DPY19L1: variants seen among roughly 807,000 people sequenced by gnomAD.
The protein encoded by DPY19L1 is protein C-mannosyl-transferase DPY19L1.
Under a neutral mutation model 96.9 loss-of-function variants are expected in DPY19L1, and 35 were observed. The ratio of observed to expected loss-of-function variants is 0.36; its 90% CI spans 0.28 to 0.48. DPY19L1 has a LOEUF of 0.48. Among genes scored for constraint, DPY19L1 ranks in the 20% least tolerant of loss-of-function variants. The pLI, the probability that DPY19L1 is intolerant of heterozygous loss-of-function variation, is 0.99. For missense variants in DPY19L1, 521 were observed against 777.9 expected, an observed-to-expected ratio of 0.67 and a Z score of 3.93; for synonymous variants, 205 against 252.6, an observed-to-expected ratio of 0.81 and a Z score of 1.79.
intron 16 of DPY19L1, 119 bp downstream of exon 16, chr7:34,945,548 T>C (rs1424514952): frequency 1.3e-6 from 1 of 741,258 alleles, no homozygotes; most frequent in African/African-American, 1.8e-5. Flanking sequence ...ATGACCACAA[T>C]AAAAACATCA....
At chr7:34,947,947 T>G (rs1306409343) in intron 14 of DPY19L1, among the ~76,000 whole-genome samples, 2 of 152,132 alleles carry the variant, frequency 1.3e-5, no homozygotes, top group African/African-American at 2.4e-5. Flanking sequence ...CTGAAGAGAT[T>G]ACTGCTCACT....
intron 13 of DPY19L1, among the ~76,000 whole-genome samples, chr7:34,951,463 A>C (rs1184914111): frequency 6.6e-6 from 1 of 152,184 alleles, no homozygotes; most frequent in East Asian, 1.9e-4. Context: ...ATTGCTTTAA[A>C]AATTCTTGAT....
chr7:34,997,270 T>G (rs1785307766), intron 6 of DPY19L1, among the ~76,000 whole-genome samples: 1 of 150,704 alleles, frequency 6.6e-6, no homozygotes, highest in African/African-American at 2.4e-5. Context: ...ATTAAAGATA[T>G]GTTAGCAGGC....
Position 35,037,262 on chromosome 7 carries a change from G to A in DPY19L1, c.133C>T (p.Leu45=). ...AGEPGPERAP[L]SPGRKGAAGR... is the part of the protein sequence containing the mutation. ...GCGGCGCCCTTGCGCCCCGGGGACA[G>A]GGGCGCGCGCTCGGGCCCCGGCTCC... Residue 45 remains leucine (L), a synonymous_variant, in exon 1 of 22, where the codon CTG becomes TTG. Coordinates refer to ENST00000638088, the MANE Select transcript of DPY19L1 (RefSeq NM_001366673.1). The A allele has an allele frequency of 3.3e-6, 1 of 306,522 alleles. No individual in the cohort carries two copies. The highest frequency in any genetic ancestry group is 6.0e-6 in the Non-Finnish European group (1 of 167,768). The allele number at this position is 306,522 out of a possible 1,614,324, so 19.0% of individuals were successfully genotyped here.
At chr7:34,976,943 C>T (rs1283226461) in intron 7 of DPY19L1, among the ~76,000 whole-genome samples, 1 of 142,090 alleles carries the variant, frequency 7.0e-6, no homozygotes, top group Non-Finnish European at 1.6e-5. Flanking sequence ...ACTACCACAC[C>T]CAGCTAATTT....
intron 1 of DPY19L1, among the ~76,000 whole-genome samples, chr7:35,023,390 G>A (rs1459511185): frequency 8.5e-5 from 13 of 152,218 alleles, no homozygotes. Flanking sequence ...GGCGCCATGA[G>A]GCCAGGGTGG....
chr7:34,978,992 A>T (rs548063767), intron 7 of DPY19L1, among the ~76,000 whole-genome samples: 1 of 152,236 alleles, frequency 6.6e-6, no homozygotes, highest in East Asian at 1.9e-4. Context: ...CTCACACAGG[A>T]TTTAATGTGT....
intron 7 of DPY19L1, among the ~76,000 whole-genome samples, chr7:34,983,291 CAA>C (rs1316666932): frequency 6.6e-6 from 1 of 151,434 alleles, no homozygotes; most frequent in Non-Finnish European, 1.5e-5. Flanking sequence ...GACCCATTAT[CAA>C]GAGAAAAAAA....
intron 1 of DPY19L1, among the ~76,000 whole-genome samples, chr7:35,027,551 C>T (rs1414361206): frequency 6.6e-6 from 1 of 151,740 alleles, no homozygotes; most frequent in Non-Finnish European, 1.5e-5. Context: ...TCATGAAGGC[C>T]GGGCTCCATG....
intron 6 of DPY19L1, among the ~76,000 whole-genome samples, chr7:34,998,630 C>T (rs984076665): frequency 4.6e-5 from 7 of 152,140 alleles, no homozygotes; most frequent in East Asian, 1.9e-4. Flanking sequence ...GGCTGGTAAA[C>T]GAAAAAGCAA....
intron 10 of DPY19L1, among the ~76,000 whole-genome samples, chr7:34,961,766 A>T (rs1216754836): frequency 6.6e-6 from 1 of 152,224 alleles, no homozygotes; most frequent in African/African-American, 2.4e-5. Context: ...AAGAATTCTT[A>T]AAACTCGACA....
chr7:35,010,327 G>A (rs181400056), intron 6 of DPY19L1, 141 bp downstream of exon 6: 282 of 572,756 alleles, frequency 4.9e-4, no homozygotes, highest in Non-Finnish European at 5.7e-4. Context: ...GTGAAATCAT[G>A]CAAATAATGA....
chr7:35,005,368 C>T lies in DPY19L1; in HGVS notation c.764+5100G>A, dbSNP rs1346374752. On this transcript the variant is annotated intron_variant, in intron 6 of 21. Coordinates refer to ENST00000638088, the MANE Select transcript of DPY19L1 (RefSeq NM_001366673.1). ...TCAAAACAAATCAAGCAATCAAAGGCAGGGCTGCTAAGTAAGCAGCTGCAC... is the reference window on the plus strand; with the variant it reads ...TCAAAACAAATCAAGCAATCAAAGGTAGGGCTGCTAAGTAAGCAGCTGCAC... Among the ~76,000 whole-genome samples, 10 of 151,600 alleles carry T rather than the reference C, an allele frequency of 6.6e-5. No homozygotes were observed. The East Asian group carries it at 2.0e-3, about 30-fold the overall frequency.
At chr7:34,948,146 G>A (rs1649221) in intron 14 of DPY19L1, among the ~76,000 whole-genome samples, 39,982 of 151,762 alleles carry the variant, frequency 0.26, 5,487 homozygotes, top group Non-Finnish European at 0.31. Flanking sequence ...GGAACAAAAG[G>A]CTTTTACATT....
At chr7:34,987,071 C>G (rs1785064894) in intron 7 of DPY19L1, among the ~76,000 whole-genome samples, 2 of 151,914 alleles carry the variant, frequency 1.3e-5, no homozygotes, top group African/African-American at 4.8e-5. Context: ...GAGAAAAATA[C>G]AGTATTCAGG....
chr7:34,945,450 G>T (rs1457108386), intron 16 of DPY19L1, among the ~76,000 whole-genome samples: 1 of 152,028 alleles, frequency 6.6e-6, no homozygotes, highest in African/African-American at 2.4e-5. Context: ...GCTACTGTCA[G>T]ACTGTACTGG....
intron 21 of DPY19L1, among the ~76,000 whole-genome samples, chr7:34,933,134 C>CT (rs199560024): frequency 6.5e-4 from 98 of 151,380 alleles, no homozygotes; most frequent in East Asian, 5.8e-3. Context: ...CCTGCTGGAC[C>CT]TTTTTAAAAA....
chr7:35,016,143 C>T (rs1785842826), intron 3 of DPY19L1, among the ~76,000 whole-genome samples: 2 of 152,206 alleles, frequency 1.3e-5, no homozygotes. Flanking sequence ...CAATGAGCAT[C>T]TGCCACTGAC....
At chr7:35,035,380 T>C (rs1026521116) in intron 1 of DPY19L1, among the ~76,000 whole-genome samples, 1 of 152,158 alleles carries the variant, frequency 6.6e-6, no homozygotes, top group African/African-American at 2.4e-5. Context: ...CATCCAAATA[T>C]AAGTCATGCA....
Sources: allele counts gnomAD v4.1 joint callset (sites outside exome capture counted in the v4.1 genomes callset), GRCh38; gene constraint gnomAD v4.1.1; transcripts MANE v1.5; gene names NCBI Gene and HGNC (gene_info 2026-07-23, HGNC 2026-07-21).